Variants in BNC2 observed in about 807,000 individuals in gnomAD.
The protein encoded by BNC2 is basonuclin zinc finger protein 2, also known as zinc finger protein basonuclin-2.
Under a neutral mutation model 76.3 loss-of-function variants are expected in BNC2, and 20 were observed. The ratio of observed to expected loss-of-function variants is 0.26; its 90% CI spans 0.18 to 0.38. The LOEUF is 0.38. Ranked by LOEUF, BNC2 falls within the 10% of genes least tolerant of loss-of-function variation. The pLI is 1.00. For missense variants in BNC2, 1,382 were observed against 1,399.8 expected (o/e 0.99, Z 0.20); for synonymous variants, 582 against 514.8 (o/e 1.13, Z -1.77).
intron 6 of BNC2, among the ~76,000 whole-genome samples, chr9:16,423,078 A>C (rs10962420): frequency 0.084 from 12,792 of 152,138 alleles, 732 homozygotes; most frequent in Non-Finnish European, 0.12. Context: ...CAGGAGGGGG[A>C]CTCCCTGGCA....
chr9:16,493,641 C>CT (rs1822323455), intron 5 of BNC2, among the ~76,000 whole-genome samples: 1 of 152,128 alleles, frequency 6.6e-6, no homozygotes, highest in South Asian at 2.1e-4. Flanking sequence ...AAATAAGACC[C>CT]TCAAGGAGCT....
intron 5 of BNC2, among the ~76,000 whole-genome samples, chr9:16,475,258 AACACATCTGTGTTCACCTGT>A (rs988779101): frequency 2.9e-4 from 44 of 152,186 alleles, no homozygotes; most frequent in Admixed American, 2.8e-3. Context: ...TAGCCTTGTG[AACACATCTGTGTTCACCTGT>A]ACACATTATA....
At chr9:16,720,541 C>T (rs1018599710) in intron 3 of BNC2, among the ~76,000 whole-genome samples, 4 of 152,080 alleles carry the variant, frequency 2.6e-5, no homozygotes, top group Non-Finnish European at 5.9e-5. Flanking sequence ...GTAAATAAGA[C>T]GTCAGATATG....
chr9:16,845,645 T>C (rs574768580), intron 1 of BNC2, among the ~76,000 whole-genome samples: 223 of 151,220 alleles, frequency 1.5e-3, no homozygotes, highest in Non-Finnish European at 2.6e-3. Flanking sequence ...GGCGTGAACT[T>C]GAGAGGCGGA....
At chr9:16,645,062 A>T (rs1402669048) in intron 3 of BNC2, among the ~76,000 whole-genome samples, 2 of 152,338 alleles carry the variant, frequency 1.3e-5, no homozygotes, top group African/African-American at 4.8e-5. Context: ...TGCTGTCATA[A>T]TAGTCTCTTA....
chr9:16,844,705 G>A lies in BNC2; in HGVS notation c.3+25941C>T, dbSNP rs189863301. 4.2e-3 allele frequency among the ~76,000 whole-genome samples: 639 copies of A among 152,126 alleles called. 9 individuals carry two copies. The highest frequency in any genetic ancestry group is 0.015 in the African/African-American group (608 of 41,496). The stretch of plus-strand genomic sequence containing the variant: ...GTAGAGACGGGTTTTCACCATGTTG[G>A]CCAGGCTGGTCTCGGACTCCTTACC... On this transcript the variant is annotated intron_variant, in intron 1 of 6. Transcript: ENST00000380672.
At chr9:16,695,264 G>C (rs1010864898) in intron 3 of BNC2, among the ~76,000 whole-genome samples, 2 of 152,106 alleles carry the variant, frequency 1.3e-5, no homozygotes, top group Non-Finnish European at 2.9e-5. Flanking sequence ...TTACCCAATG[G>C]TAAGTAATAC....
intron 3 of BNC2, among the ~76,000 whole-genome samples, chr9:16,620,080 T>A (rs1820822276): frequency 6.6e-6 from 1 of 152,140 alleles, no homozygotes; most frequent in African/African-American, 2.4e-5. Flanking sequence ...CTAATTCTCA[T>A]GTAATGAATG....
intron 1 of BNC2, among the ~76,000 whole-genome samples, chr9:16,771,849 T>C (rs566895570): frequency 6.6e-6 from 1 of 152,308 alleles, no homozygotes; most frequent in South Asian, 2.1e-4. Context: ...CCTAATCCTC[T>C]ATAAAGAGGC....
intron 1 of BNC2, among the ~76,000 whole-genome samples, chr9:16,821,803 G>C (rs546032383): frequency 6.6e-6 from 1 of 151,824 alleles, no homozygotes; most frequent in Non-Finnish European, 1.5e-5. Context: ...ACAAAAATTA[G>C]CCAGGTGGGG....
At chr9:16,685,731 C>G in intron 3 of BNC2, 3 of 624,094 alleles carry the variant, frequency 4.8e-6, no homozygotes, top group Non-Finnish European at 5.3e-6. Flanking sequence ...AACTGCGGGT[C>G]TCTAACAGGT....
intron 5 of BNC2, among the ~76,000 whole-genome samples, chr9:16,535,307 T>C (rs908366125): frequency 6.6e-6 from 1 of 152,202 alleles, no homozygotes; most frequent in African/African-American, 2.4e-5. Flanking sequence ...AGGAATTTCA[T>C]AGATTCCATC....
Position 16,436,079 on chromosome 9 carries a change from T to C in BNC2, c.2115A>G (p.Ile705Met). The part of the protein sequence containing the change: ...NRTRCISRTE[I>M]RRADSMTSED... ...CAGAAGTCATGCTGTCGGCCCTCCTTATTTCAGTCCTTGAAATGCACCGGG... is the reference window on the plus strand; with the variant it reads ...CAGAAGTCATGCTGTCGGCCCTCCTCATTTCAGTCCTTGAAATGCACCGGG... Residue 705 changes from isoleucine (I) to methionine (M), a missense_variant, in exon 6 of 7, where the codon ATA becomes ATG. Physicochemically the swap from Ile to Met is conservative, Grantham distance 10 (BLOSUM62 1). This residue lies in a region of BNC2 where 798 missense variants were observed against 775.5 expected (regional missense o/e 1.03). Transcript: ENST00000380672. 1 of 1,614,164 alleles carries C rather than the reference T, an allele frequency of 6.2e-7. No individual in the cohort carries two copies.
At chr9:16,478,175 A>T (rs1821968168) in intron 5 of BNC2, among the ~76,000 whole-genome samples, 1 of 152,216 alleles carries the variant, frequency 6.6e-6, no homozygotes, top group Non-Finnish European at 1.5e-5. Flanking sequence ...TGAGATATTA[A>T]CAAAAGCAAT....
chr9:16,533,985 G>A (rs188378307), intron 5 of BNC2, among the ~76,000 whole-genome samples: 6 of 151,708 alleles, frequency 4.0e-5, no homozygotes, highest in South Asian at 4.1e-4. Flanking sequence ...TCTAAAATTC[G>A]TTTTTAAAAA....
intron 3 of BNC2, chr9:16,699,157 A>G (rs1181271689): frequency 6.4e-6 from 3 of 467,690 alleles, no homozygotes; most frequent in Non-Finnish European, 1.3e-5. Flanking sequence ...CTTTGTTTTA[A>G]AAACAGAAAG....
At chr9:16,711,580 C>T (rs1823848556) in intron 3 of BNC2, among the ~76,000 whole-genome samples, 1 of 152,330 alleles carries the variant, frequency 6.6e-6, no homozygotes, top group Middle Eastern at 3.4e-3. Flanking sequence ...TATAGTGATA[C>T]TTTGTTTTCA....
rs528628828 is a variant in BNC2, at chr9:16,685,123, G to A, written c.330+42674C>T. Reference sequence around the variant, plus strand: ...AGAAGATGAAAGCTAATATTTACTGGGTACCTGTTATGTGCCAGGTCCTGC... The same window carrying A: ...AGAAGATGAAAGCTAATATTTACTGAGTACCTGTTATGTGCCAGGTCCTGC... On this transcript the variant is annotated intron_variant, in intron 3 of 6. Coordinates refer to ENST00000380672, the MANE Select transcript of BNC2 (RefSeq NM_017637.6). Among the ~76,000 whole-genome samples the A allele has an allele frequency of 5.8e-4, 88 of 152,172 alleles. 1 individual carries two copies. Among genetic ancestry groups the A allele is most frequent in the African/African-American group, 2.0e-3 (82 of 41,504 alleles).
intron 5 of BNC2, among the ~76,000 whole-genome samples, chr9:16,550,855 T>C (rs1818639878): frequency 6.6e-6 from 1 of 152,182 alleles, no homozygotes; most frequent in South Asian, 2.1e-4. Context: ...CAAACAACTG[T>C]AAGAGGTTTT....
Sources: allele counts gnomAD v4.1 joint callset (sites outside exome capture counted in the v4.1 genomes callset), GRCh38; gene constraint gnomAD v4.1.1; regional missense constraint gnomAD v4.1.1; transcripts MANE v1.5; gene names NCBI Gene and HGNC (gene_info 2026-07-23, HGNC 2026-07-21).